LAMA1: variants seen among roughly 807,000 people sequenced by gnomAD.
The protein encoded by LAMA1 is laminin subunit alpha 1, also known as laminin subunit alpha-1.
LAMA1 carries 219 observed loss-of-function variants against 348.7 expected under a neutral mutation model. The ratio of observed to expected loss-of-function variants is 0.63; its 90% CI spans 0.56 to 0.70. LAMA1 has a LOEUF of 0.70. Ranked by LOEUF, LAMA1 falls within the 30% of genes least tolerant of loss-of-function variation. The pLI is 0.00. For missense variants in LAMA1, 3,744 were observed against 3,888.0 expected (o/e 0.96, Z 0.99); for synonymous variants, 1,487 against 1,491.0 (o/e 1.00, Z 0.06).
At chr18:7,115,918 G>C (rs2058354386) in intron 1 of LAMA1, among the ~76,000 whole-genome samples, 1 of 151,818 alleles carries the variant, frequency 6.6e-6, no homozygotes, top group African/African-American at 2.4e-5. Flanking sequence ...GGCGGAGGTC[G>C]CAGTGAGCCG....
chr18:6,985,238 T>C lies in LAMA1; in HGVS notation c.5659A>G (p.Ser1887Gly), dbSNP rs573418350. ...GTTCCCACAAAGGCGTGTTCCTACC[T>C]GTACAGAACATCTGCTAGTCTCTGG... ...EFQRLADVLY[S>G]GLENIRNVSL... is the part of the protein sequence containing the mutation. Residue 1887 changes from serine to glycine, a missense_variant and splice_region_variant, in exon 39 of 63, where the codon AGT becomes GGT. Transcript: ENST00000389658. The C allele has an allele frequency of 6.2e-7, 1 of 1,614,122 alleles. No homozygotes were observed. Among genetic ancestry groups the C allele is most frequent in the Non-Finnish European group, 8.5e-7 (1 of 1,179,970 alleles).
At chr18:7,023,448 C>T (rs1440046295) in intron 18 of LAMA1, 73 bp from the exon 19 acceptor site, 1 of 1,217,066 alleles carries the variant, frequency 8.2e-7, no homozygotes, top group Non-Finnish European at 1.2e-6. Flanking sequence ...CCAGGGACTC[C>T]CTGAATGGCT....
In LAMA1 at chr18:7,036,102, G is replaced by C. The variant is rs746576613; in HGVS notation, c.1738-14C>G. 6 of 1,588,554 alleles carry C rather than the reference G, an allele frequency of 3.8e-6. No homozygotes were observed. In the Admixed American group the frequency reaches 1.0e-4, roughly 26 times the overall value. ...AAACGCAGTCAGCTGAAATGTTTAA[G>C]CGAGAATGAACACGAAAGGGGAAGA... On this transcript the variant is annotated splice_polypyrimidine_tract_variant and intron_variant, in intron 12 of 62. Transcript: ENST00000389658.
chr18:7,034,547 A>C lies in LAMA1; in HGVS notation c.1983T>G (p.Thr661=). ...KRQIDRDQLM[T]VLANVTHLLI... is the part of the protein sequence containing the mutation. ...AAAGATGTGTCACATTGGCAAGGAC[A>C]GTCATCAGCTGGTCACGATCAATCT... Residue 661 remains threonine (T), a synonymous_variant, in exon 14 of 63, where the codon ACT becomes ACG. Coordinates refer to ENST00000389658, the MANE Select transcript of LAMA1 (RefSeq NM_005559.4). 6.2e-7 allele frequency: 1 copy of C among 1,614,226 alleles called. No homozygotes were observed. The highest frequency in any genetic ancestry group is 8.5e-7 in the Non-Finnish European group (1 of 1,180,050).
intron 19 of LAMA1, among the ~76,000 whole-genome samples, chr18:7,022,103 T>C (rs1195168904): frequency 6.6e-6 from 1 of 151,974 alleles, no homozygotes; most frequent in African/African-American, 2.4e-5. Context: ...CTCCAACACC[T>C]GGATCCACAG....
chr18:7,013,084 C>T (rs933822352), intron 23 of LAMA1, among the ~76,000 whole-genome samples: 33 of 151,972 alleles, frequency 2.2e-4, no homozygotes, highest in African/African-American at 7.7e-4. Flanking sequence ...TTGCTTGAAC[C>T]CGGGAGGCGG....
At chr18:7,102,426 AAG>A (rs2058295149) in intron 1 of LAMA1, among the ~76,000 whole-genome samples, 1 of 152,074 alleles carries the variant, frequency 6.6e-6, no homozygotes. Context: ...CCTTAAAAAA[AAG>A]AAAAACCTCT....
intron 19 of LAMA1, among the ~76,000 whole-genome samples, chr18:7,021,367 T>C (rs2057914631): frequency 6.6e-6 from 1 of 152,244 alleles, no homozygotes; most frequent in Non-Finnish European, 1.5e-5. Context: ...TCTCTGAGTT[T>C]AAATTTAAAT....
intron 1 of LAMA1, among the ~76,000 whole-genome samples, chr18:7,098,529 T>A (rs1350847934): frequency 6.6e-6 from 1 of 150,806 alleles, no homozygotes; most frequent in Non-Finnish European, 1.5e-5. Flanking sequence ...GGAGCACCTC[T>A]GCCCGGCTGC....
chr18:7,009,473 G>T, intron 26 of LAMA1, 107 bp from the exon 27 acceptor site: 2 of 1,242,330 alleles, frequency 1.6e-6, no homozygotes, highest in Non-Finnish European at 1.1e-6. Context: ...AATGAGCCAT[G>T]TTCTGTGCAT....
intron 45 of LAMA1, 32 bp downstream of exon 45, chr18:6,975,905 T>A (rs1184497206): frequency 4.3e-6 from 7 of 1,613,624 alleles, no homozygotes; most frequent in Non-Finnish European, 5.9e-6. Flanking sequence ...CATAAAAGAT[T>A]CAGTGTCGCT....
chr18:6,969,971 C>T (rs1003869729), intron 48 of LAMA1, among the ~76,000 whole-genome samples: 2 of 152,130 alleles, frequency 1.3e-5, no homozygotes, highest in African/African-American at 4.8e-5. Context: ...AGTAGGGGGA[C>T]TTTTTCATAC....
In LAMA1 at chr18:7,055,062, G is replaced by T. The variant is rs74626100; in HGVS notation, c.346-4126C>A. On this transcript the variant is annotated intron_variant, in intron 3 of 62. Transcript: ENST00000389658. ...GTCAAATGTTATTCATGGATTTTTTGACTGCCTTGGGAGTTGGCACTCCCA... is the reference window on the plus strand; with the variant it reads ...GTCAAATGTTATTCATGGATTTTTTTACTGCCTTGGGAGTTGGCACTCCCA... Among the ~76,000 whole-genome samples, 1,188 of 151,876 alleles carry T rather than the reference G, an allele frequency of 7.8e-3. 15 individuals are homozygous for T. The highest frequency in any genetic ancestry group is 0.025 in the African/African-American group (1,047 of 41,386).
chr18:7,031,879 C>CAA (rs141608614), intron 16 of LAMA1, among the ~76,000 whole-genome samples, 187 bp downstream of exon 16: 50 of 89,464 alleles, frequency 5.6e-4, no homozygotes, highest in African/African-American at 1.1e-3. Context: ...TAACTTTTTT[C>CAA]AAAAAAAAAA....
chr18:7,098,564 ATC>A (rs2058274053), intron 1 of LAMA1, among the ~76,000 whole-genome samples: 1 of 140,294 alleles, frequency 7.1e-6, no homozygotes, highest in African/African-American at 2.7e-5. Flanking sequence ...GGTGAGGAGC[ATC>A]TCTGCCCGGC....
At chr18:6,963,063 T>C (rs1331182496) in intron 51 of LAMA1, among the ~76,000 whole-genome samples, 5 of 133,868 alleles carry the variant, frequency 3.7e-5, no homozygotes, top group Non-Finnish European at 7.6e-5. Flanking sequence ...CCACACCTCA[T>C]TTTTTTTTTT....
chr18:7,014,166 C>T, intron 22 of LAMA1, 115 bp from the exon 23 acceptor site: 1 of 827,598 alleles, frequency 1.2e-6, no homozygotes, highest in Non-Finnish European at 2.0e-6. Flanking sequence ...AATGAACCAT[C>T]TCTCTCTTGC....
Position 7,010,808 on chromosome 18 carries a change from C to T in LAMA1, c.3688-423G>A, listed in dbSNP as rs73938539. On this transcript the variant is annotated intron_variant, in intron 25 of 62. Transcript: ENST00000389658. ...CATGATCTTTTATAGTAGTTTTTTC[C>T]CCCCAAATGAGTGATAATTTCTTGA... is the stretch of plus-strand genomic sequence containing the variant. 4.8e-3 allele frequency among the ~76,000 whole-genome samples: 729 copies of T among 152,102 alleles called. 6 individuals carry two copies. Among genetic ancestry groups the T allele is most frequent in the African/African-American group, 0.017 (699 of 41,480 alleles).
intron 19 of LAMA1, among the ~76,000 whole-genome samples, chr18:7,021,847 T>A (rs530294846): frequency 9.7e-4 from 60 of 61,710 alleles, no homozygotes; most frequent in African/African-American, 7.5e-3. Context: ...ATATATTATA[T>A]TATATTATAT....
Sources: allele counts gnomAD v4.1 joint callset (sites outside exome capture counted in the v4.1 genomes callset), GRCh38; gene constraint gnomAD v4.1.1; transcripts MANE v1.5; gene names NCBI Gene and HGNC (gene_info 2026-07-23, HGNC 2026-07-21).